The following ORC5 variants were observed in gnomAD, a reference collection of about 807,000 sequenced individuals.
ORC5 encodes protein phosphatase 1, regulatory subunit 117.
Under a neutral mutation model 58.8 loss-of-function variants are expected in ORC5, and 39 were observed. The ratio of observed to expected loss-of-function variants is 0.66; its 90% confidence interval spans 0.51 to 0.87. The LOEUF is 0.87. Among genes scored for constraint, ORC5 ranks in the 40% least tolerant of loss-of-function variants. ORC5 has a pLI of 0.00. For missense variants in ORC5, 493 were observed against 506.3 expected (o/e 0.97, Z 0.25); for synonymous variants, 218 against 177.6 (o/e 1.23, Z -1.81).
chr7:104,194,983 C>G (rs77812490), intron 5 of ORC5, among the ~76,000 whole-genome samples, 160 bp downstream of exon 5: 16,855 of 151,730 alleles, frequency 0.11, 1,651 homozygotes, highest in African/African-American at 0.27. Flanking sequence ...ATTCCCATTT[C>G]AATATCAAAT....
At chr7:104,139,766 GTTCT>G (rs1245217407) in intron 12 of ORC5, among the ~76,000 whole-genome samples, 2 of 151,894 alleles carry the variant, frequency 1.3e-5, no homozygotes, top group Non-Finnish European at 2.9e-5. Context: ...CAAATGTTAT[GTTCT>G]TTGTTACATG....
intron 8 of ORC5, among the ~76,000 whole-genome samples, chr7:104,178,187 AC>A (rs1799361459): frequency 6.6e-6 from 1 of 152,194 alleles, no homozygotes; most frequent in Admixed American, 6.5e-5. Flanking sequence ...ACTCCCACCA[AC>A]AGTGTAAAAG....
rs1184883002 is a variant in ORC5, at chr7:104,129,090, A to G, written c.1263-2197T>C. ...GAGAAAGGGAGAAGAAATAATTGCA[A>G]GTAAGTTGTGACGGCTGCAGAGAAA... On this transcript the variant is annotated intron_variant, in intron 13 of 13. Transcript: ENST00000297431. This position sits in a 1 kb window ranked among gnomAD's most constrained non-coding sequence, Gnocchi z 4.9. 6.6e-6 allele frequency among the ~76,000 whole-genome samples: 1 copy of G among 152,186 alleles called. No homozygotes were observed. The highest frequency in any genetic ancestry group is 6.5e-5 in the Admixed American group (1 of 15,276).
chr7:104,161,025 G>A (rs1799013311), intron 12 of ORC5, 47 bp downstream of exon 12: 2 of 1,045,958 alleles, frequency 1.9e-6, no homozygotes, highest in East Asian at 4.8e-5. Flanking sequence ...TCTACTATCT[G>A]AAGAATCCCA....
intron 3 of ORC5, among the ~76,000 whole-genome samples, chr7:104,199,857 C>T (rs1799896331): frequency 6.6e-6 from 1 of 152,164 alleles, no homozygotes; most frequent in Non-Finnish European, 1.5e-5. Context: ...CCATCCAAAT[C>T]TCATCTTAAC....
chr7:104,191,511 C>T (rs1481826645), intron 5 of ORC5, among the ~76,000 whole-genome samples: 1 of 151,984 alleles, frequency 6.6e-6, no homozygotes, highest in Non-Finnish European at 1.5e-5. Context: ...TACAGGTAGC[C>T]CTCTGTATCC....
At chr7:104,166,263 C>G (rs545286122) in intron 10 of ORC5, among the ~76,000 whole-genome samples, 2 of 151,914 alleles carry the variant, frequency 1.3e-5, no homozygotes, top group South Asian at 4.2e-4. Flanking sequence ...AAAGACAGAA[C>G]ATACAGACAA....
At chr7:104,179,135 G>A (rs1368363079) in intron 8 of ORC5, among the ~76,000 whole-genome samples, 2 of 141,280 alleles carry the variant, frequency 1.4e-5, no homozygotes, top group Non-Finnish European at 3.0e-5. Flanking sequence ...TTTTTTAAGA[G>A]ACAGGGTCTC....
At chr7:104,178,772 C>T (rs1022531137) in intron 8 of ORC5, among the ~76,000 whole-genome samples, 1 of 152,024 alleles carries the variant, frequency 6.6e-6, no homozygotes, top group African/African-American at 2.4e-5. Context: ...TTTCTGCATA[C>T]AGCTAGCCAG....
rs201789126 is a variant in ORC5 at position 104,142,470 on chromosome 7, G to GA, written c.1150-5578dup. On this transcript the variant is annotated intron_variant, in intron 12 of 13. Coordinates refer to ENST00000297431, the MANE Select transcript of ORC5 (RefSeq NM_002553.4). The stretch of plus-strand genomic sequence containing the variant: ...TGACAAGGCAATCTACAGAATGGGA[G>GA]AAAAAAAATCAGGTAAATCAAATGG... Among the ~76,000 whole-genome samples, 1,069 of 151,192 alleles carry GA rather than the reference G, an allele frequency of 7.1e-3. 3 individuals carry two copies. Among genetic ancestry groups the GA allele is most frequent in the Non-Finnish European group, 0.012 (780 of 67,698 alleles).
At position 104,188,246 on chromosome 7, in the gene ORC5, T is replaced by C. The variant is rs757340948; in HGVS notation, c.684+5A>G. 1 of 1,605,856 alleles carries C rather than the reference T, an allele frequency of 6.2e-7. No homozygotes were observed. The highest frequency in any genetic ancestry group is 1.7e-5 in the Admixed American group (1 of 59,778). ...TATATATATTCAAGCAAAATGTTCA[T>C]TTACCAGATGTCTGAGCTCTTTCAA... On this transcript the variant is annotated splice_donor_5th_base_variant and intron_variant, in intron 6 of 13. Coordinates refer to ENST00000297431, the MANE Select transcript of ORC5 (RefSeq NM_002553.4).
At chr7:104,171,393 G>A (rs3808008) in intron 8 of ORC5, among the ~76,000 whole-genome samples, 65,222 of 151,996 alleles carry the variant, frequency 0.43, 16,276 homozygotes, top group Non-Finnish European at 0.58. Flanking sequence ...GTAAGGTTGC[G>A]GAATGGCACA....
At chr7:104,150,841 A>G (rs1166986261) in intron 12 of ORC5, among the ~76,000 whole-genome samples, 1 of 138,978 alleles carries the variant, frequency 7.2e-6, no homozygotes, top group Non-Finnish European at 1.7e-5. Flanking sequence ...GGAGACAAAC[A>G]CATAAAATGG....
intron 11 of ORC5, among the ~76,000 whole-genome samples, chr7:104,164,749 T>A (rs1799078823): frequency 6.6e-6 from 1 of 152,166 alleles, no homozygotes; most frequent in Non-Finnish European, 1.5e-5. Context: ...ATCCCTAAGC[T>A]TTTTTCCAGA....
intron 3 of ORC5, among the ~76,000 whole-genome samples, chr7:104,200,492 C>T (rs1157436434): frequency 1.3e-5 from 2 of 152,310 alleles, no homozygotes; most frequent in East Asian, 3.9e-4. Flanking sequence ...CCTCATGAAG[C>T]TGTATTGGAC....
chr7:104,127,861 T>C (rs1043965259), intron 13 of ORC5, among the ~76,000 whole-genome samples: 2 of 152,188 alleles, frequency 1.3e-5, no homozygotes, highest in African/African-American at 4.8e-5. Flanking sequence ...TAAAAAGAGA[T>C]GCTATGGCTA....
intron 8 of ORC5, among the ~76,000 whole-genome samples, chr7:104,168,788 A>C (rs979578704): frequency 6.6e-6 from 1 of 152,182 alleles, no homozygotes; most frequent in African/African-American, 2.4e-5. Flanking sequence ...AGCTATCAAA[A>C]AACTTCACCC....
At chr7:104,156,400 T>C (rs1040580445) in intron 12 of ORC5, among the ~76,000 whole-genome samples, 7 of 151,762 alleles carry the variant, frequency 4.6e-5, no homozygotes, top group African/African-American at 1.2e-4. Flanking sequence ...AAATTCAGAA[T>C]AATGCCAACT....
intron 12 of ORC5, among the ~76,000 whole-genome samples, chr7:104,137,778 G>A (rs564008609): frequency 6.6e-6 from 1 of 152,206 alleles, no homozygotes; most frequent in Non-Finnish European, 1.5e-5. Flanking sequence ...TCCTCCTTCG[G>A]GCTCCCCAAC....
Sources: allele counts gnomAD v4.1 joint callset (sites outside exome capture counted in the v4.1 genomes callset), GRCh38; gene constraint gnomAD v4.1.1; non-coding constraint Gnocchi (gnomAD v3.1); transcripts MANE v1.5; gene names NCBI Gene and HGNC (gene_info 2026-07-23, HGNC 2026-07-21).